Variants in CDC42BPB observed in about 807,000 individuals in gnomAD.
The protein encoded by CDC42BPB is serine/threonine-protein kinase MRCK beta.
CDC42BPB carries 37 observed loss-of-function variants against 214.9 expected under a neutral mutation model. The ratio of observed to expected loss-of-function variants is 0.17; its 90% CI spans 0.13 to 0.23. The LOEUF (loss-of-function observed/expected upper bound fraction) is 0.23. CDC42BPB is among the 10% of genes least tolerant of loss of function. The probability of loss-of-function intolerance (pLI) is 1.00; values close to 1 mark genes in which losing one functional copy is unlikely to be tolerated. For missense variants in CDC42BPB, 1,694 were observed against 2,227.0 expected, an observed-to-expected ratio of 0.76 and a Z score of 4.82; for synonymous variants, 931 against 884.0, an observed-to-expected ratio of 1.05 and a Z score of -0.94.
At position 103,047,945 on chromosome 14, in the gene CDC42BPB, C is replaced by A. The variant is rs933985771; in HGVS notation, c.175+9054G>T. 2.0e-5 allele frequency among the ~76,000 whole-genome samples: 3 copies of A among 149,192 alleles called. No homozygotes were observed. The South Asian group carries it at 6.4e-4, about 32-fold the overall frequency. ...TCAGACAGACCTGGTTCAAAAAATT[C>A]ACCTCCGATGAATTCTTTCTCAGGA... On this transcript the variant is annotated intron_variant, in intron 1 of 36. Coordinates refer to ENST00000361246, the MANE Select transcript of CDC42BPB (RefSeq NM_006035.4).
chr14:102,938,673 G>C, intron 34 of CDC42BPB: 1 of 532,278 alleles, frequency 1.9e-6, no homozygotes, highest in Non-Finnish European at 2.4e-6. Flanking sequence ...CTGTCCCCCA[G>C]GCTGGAGTGC....
intron 30 of CDC42BPB, among the ~76,000 whole-genome samples, chr14:102,942,765 C>T (rs1343977818): frequency 2.8e-5 from 4 of 143,676 alleles, no homozygotes; most frequent in African/African-American, 5.3e-5. Flanking sequence ...AGTGCAGTGG[C>T]GCGATCTTGG....
Position 102,946,550 on chromosome 14 carries a change from C to A in CDC42BPB, c.3666G>T (p.Arg1222Ser). ...LQSILHKNRL[R>S]NQVVHVPLEA... ...CCAAGGGAACATGCACGACCTGATT[C>A]CTCAGCCGGTTTTTATGAAGGATGG... Residue 1222 changes from arginine to serine, a missense_variant, in exon 28 of 37, where the codon AGG becomes AGT. By Grantham distance (110) the Arg-to-Ser change is moderately radical. Coordinates refer to ENST00000361246, the MANE Select transcript of CDC42BPB (RefSeq NM_006035.4). 6.2e-7 allele frequency: 1 copy of A among 1,612,808 alleles called. No homozygotes were observed. The highest frequency in any genetic ancestry group is 2.2e-5 in the East Asian group (1 of 44,884).
chr14:102,972,901 A>G (rs1415429001), intron 12 of CDC42BPB, among the ~76,000 whole-genome samples: 1 of 152,112 alleles, frequency 6.6e-6, no homozygotes, highest in Admixed American at 6.5e-5. Context: ...AACACATATG[A>G]CACAAAGTGC....
intron 20 of CDC42BPB, among the ~76,000 whole-genome samples, chr14:102,960,627 T>C (rs866304449): frequency 6.6e-6 from 1 of 151,594 alleles, no homozygotes; most frequent in Non-Finnish European, 1.5e-5. Context: ...AAAAAACACA[T>C]ATCAAAAAAC....
At chr14:102,938,566 G>A in intron 34 of CDC42BPB, 155 bp from the exon 35 acceptor site, 3 of 985,424 alleles carry the variant, frequency 3.0e-6, no homozygotes, top group Non-Finnish European at 3.6e-6. Context: ...GTTCTGGACA[G>A]TCTGGAACTA....
At chr14:103,043,280 T>C (rs572179514) in intron 1 of CDC42BPB, among the ~76,000 whole-genome samples, 242 of 152,060 alleles carry the variant, frequency 1.6e-3, no homozygotes, top group African/African-American at 5.4e-3. Flanking sequence ...AAACAAAAGG[T>C]AAACAGATGT....
At chr14:103,044,698 C>G (rs962085228) in intron 1 of CDC42BPB, among the ~76,000 whole-genome samples, 3 of 150,430 alleles carry the variant, frequency 2.0e-5, no homozygotes, top group African/African-American at 7.3e-5. Context: ...TTTGCAGAGA[C>G]GGGGGTCTCA....
intron 34 of CDC42BPB, among the ~76,000 whole-genome samples, chr14:102,939,227 C>T (rs2139343253): frequency 6.6e-6 from 1 of 152,362 alleles, no homozygotes; most frequent in Admixed American, 6.5e-5. Flanking sequence ...GCATGAGCCA[C>T]CACGCCCAGC....
At chr14:102,998,002 C>T (rs1437733378) in intron 5 of CDC42BPB, among the ~76,000 whole-genome samples, 2 of 152,152 alleles carry the variant, frequency 1.3e-5, no homozygotes, top group East Asian at 3.8e-4. Context: ...AAAAAATTAG[C>T]TGGGCGTAAT....
intron 1 of CDC42BPB, among the ~76,000 whole-genome samples, chr14:103,030,924 T>G (rs1282500163): frequency 6.6e-6 from 1 of 151,820 alleles, no homozygotes; most frequent in Admixed American, 6.6e-5. Flanking sequence ...GAGGTGGGAA[T>G]TGCAGTGAGG....
intron 1 of CDC42BPB, among the ~76,000 whole-genome samples, chr14:103,048,314 C>A (rs1018952105): frequency 2.0e-5 from 3 of 151,900 alleles, no homozygotes; most frequent in Non-Finnish European, 2.9e-5. Flanking sequence ...GAGGCCAATG[C>A]GGGCGGACTG....
intron 11 of CDC42BPB, 38 bp downstream of exon 11, chr14:102,975,644 CAA>C: frequency 6.2e-7 from 1 of 1,603,618 alleles, no homozygotes; most frequent in Non-Finnish European, 8.5e-7. Flanking sequence ...CAGTAATGAC[CAA>C]AAATAGAGAC....
chr14:103,044,011 G>C (rs992698314), intron 1 of CDC42BPB, among the ~76,000 whole-genome samples: 2 of 152,098 alleles, frequency 1.3e-5, no homozygotes, highest in East Asian at 3.8e-4. Flanking sequence ...TGCCATCCCT[G>C]ACACCTTAAT....
chr14:102,947,117 T>C (rs8007077), intron 27 of CDC42BPB, among the ~76,000 whole-genome samples: 22,503 of 152,196 alleles, frequency 0.15, 3,567 homozygotes, highest in African/African-American at 0.4. Context: ...ACAATGATGG[T>C]AATTTCCTGT....
At chr14:102,972,580 T>C (rs574297275) in intron 12 of CDC42BPB, among the ~76,000 whole-genome samples, 2 of 151,246 alleles carry the variant, frequency 1.3e-5, no homozygotes, top group Non-Finnish European at 2.9e-5. Context: ...TCCCAGCTAC[T>C]TGGGAAGCTG....
intron 5 of CDC42BPB, among the ~76,000 whole-genome samples, chr14:102,998,159 G>T (rs1301775237): frequency 6.6e-6 from 1 of 152,158 alleles, no homozygotes; most frequent in Non-Finnish European, 1.5e-5. Context: ...TGAAAAGGAT[G>T]ATGTGGGAGA....
chr14:102,942,922 G>A (rs1891964168), intron 30 of CDC42BPB, among the ~76,000 whole-genome samples: 1 of 152,194 alleles, frequency 6.6e-6, no homozygotes, highest in Non-Finnish European at 1.5e-5. Context: ...AGGCTAGAGT[G>A]CAGTGGTGCG....
chr14:102,964,404 T>C, intron 19 of CDC42BPB, 98 bp downstream of exon 19: 1 of 1,443,752 alleles, frequency 6.9e-7, no homozygotes, highest in Non-Finnish European at 9.4e-7. Context: ...TGGCCCCGAT[T>C]TTCCAGGCGA....
Sources: gnomAD v4.1 joint callset for allele counts (sites outside exome capture counted in the v4.1 genomes callset) on GRCh38, gnomAD v4.1.1 for gene constraint, MANE v1.5 for transcripts, NCBI Gene and HGNC (gene_info 2026-07-23, HGNC 2026-07-21) for gene names.